PAM: variants seen among roughly 807,000 people sequenced by gnomAD.
PAM encodes the protein peptidyl-glycine alpha-amidating monooxygenase.
PAM carries 72 observed loss-of-function variants against 122.1 expected under a neutral mutation model. That is an observed-to-expected ratio of 0.59 (90% CI 0.49 to 0.72). The LOEUF is 0.72. Among genes scored for constraint, PAM ranks in the 30% least tolerant of loss-of-function variants. The pLI, the probability that PAM is intolerant of heterozygous loss-of-function variation, is 0.00. For synonymous variants in PAM, 389 were observed against 404.4 expected (o/e 0.96, Z 0.46); for missense variants, 1,106 against 1,183.7 (o/e 0.93, Z 0.96).
chr5:102,916,442 C>G (rs554282564), intron 5 of PAM, among the ~76,000 whole-genome samples: 43 of 151,782 alleles, frequency 2.8e-4, no homozygotes, highest in Non-Finnish European at 5.4e-4. Flanking sequence ...AATTTGTAGA[C>G]TTGTTATGAT....
chr5:102,997,803 T>C (rs551608231), intron 16 of PAM, among the ~76,000 whole-genome samples: 1 of 152,320 alleles, frequency 6.6e-6, no homozygotes, highest in East Asian at 1.9e-4. Context: ...ACTTGACACA[T>C]TTTTTTCTAC....
intron 1 of PAM, among the ~76,000 whole-genome samples, chr5:102,805,694 T>C (rs1450188777): frequency 6.6e-6 from 1 of 152,228 alleles, no homozygotes; most frequent in African/African-American, 2.4e-5. Flanking sequence ...AGAAATAGTT[T>C]ATGATCTCTA....
chr5:102,782,725 C>CTG (rs35149404), intron 1 of PAM, among the ~76,000 whole-genome samples: 9,458 of 140,008 alleles, frequency 0.068, 369 homozygotes, highest in South Asian at 0.17. Context: ...CTCTCTCTCT[C>CTG]TGTGTGTGTG....
intron 3 of PAM, among the ~76,000 whole-genome samples, chr5:102,875,361 T>A (rs1454753885): frequency 1.3e-5 from 2 of 151,982 alleles, no homozygotes; most frequent in Non-Finnish European, 2.9e-5. Context: ...CCCGGCTTAA[T>A]TTTTTTATTT....
At chr5:102,829,124 C>T (rs1401940964) in intron 1 of PAM, among the ~76,000 whole-genome samples, 3 of 151,994 alleles carry the variant, frequency 2.0e-5, no homozygotes, top group Non-Finnish European at 4.4e-5. Context: ...TATAAAGATG[C>T]AGCCCTCTCA....
intron 1 of PAM, among the ~76,000 whole-genome samples, chr5:102,799,868 GA>G (rs1337097445): frequency 2.0e-5 from 3 of 152,146 alleles, no homozygotes; most frequent in Non-Finnish European, 4.4e-5. Flanking sequence ...CCTCCCTAAT[GA>G]AAATATCAAT....
In PAM at chr5:102,905,856, T is replaced by C. The variant is rs113741451; in HGVS notation, c.268+4443T>C. On this transcript the variant is annotated intron_variant, in intron 4 of 25. Coordinates refer to ENST00000438793, the MANE Select transcript of PAM (RefSeq NM_001177306.2). The stretch of plus-strand genomic sequence containing the variant: ...TAATGAGTAGTCTCTGTCTCACAGA[T>C]GATGACTGAGTATTTCCCACCAATC... Among the ~76,000 whole-genome samples the C allele has an allele frequency of 2.5e-3, 385 of 151,836 alleles. 3 individuals are homozygous for C. The highest frequency in any genetic ancestry group is 8.6e-3 in the African/African-American group (358 of 41,510).
chr5:102,875,147 T>C (rs1271321620), intron 3 of PAM, among the ~76,000 whole-genome samples: 1 of 151,624 alleles, frequency 6.6e-6, no homozygotes, highest in Non-Finnish European at 1.5e-5. Flanking sequence ...CTCTCTTTTA[T>C]TAAACAAAAT....
chr5:102,969,918 C>T (rs1372366417), intron 14 of PAM, among the ~76,000 whole-genome samples: 2 of 152,086 alleles, frequency 1.3e-5, no homozygotes, highest in Non-Finnish European at 2.9e-5. Flanking sequence ...CAGGGACAGA[C>T]TTCCCAAAAC....
At chr5:102,996,652 G>A (rs1775791433) in intron 16 of PAM, among the ~76,000 whole-genome samples, 1 of 152,142 alleles carries the variant, frequency 6.6e-6, no homozygotes, top group East Asian at 1.9e-4. Flanking sequence ...CCAAGTGAAA[G>A]GATTAGGACT....
At chr5:102,957,382 A>G (rs1761080923) in intron 12 of PAM, among the ~76,000 whole-genome samples, 1 of 152,060 alleles carries the variant, frequency 6.6e-6, no homozygotes, top group African/African-American at 2.4e-5. Context: ...AATAGAACCT[A>G]CTGTATCCAC....
chr5:102,775,311 G>A (rs1302035688), intron 1 of PAM, among the ~76,000 whole-genome samples: 1 of 151,952 alleles, frequency 6.6e-6, no homozygotes, highest in African/African-American at 2.4e-5. Context: ...AAGAATTTTT[G>A]TCTATTTTTA....
intron 1 of PAM, among the ~76,000 whole-genome samples, chr5:102,781,937 TA>T (rs1455469669): frequency 2.0e-5 from 3 of 152,156 alleles, no homozygotes; most frequent in Non-Finnish European, 4.4e-5. Context: ...ATCAGGAACT[TA>T]AAAAAGCTTG....
intron 1 of PAM, among the ~76,000 whole-genome samples, chr5:102,811,323 G>C (rs1477817153): frequency 2.0e-5 from 3 of 152,184 alleles, no homozygotes; most frequent in East Asian, 3.8e-4. Flanking sequence ...CTCTAGGGGA[G>C]AATTCCTTTC....
chr5:102,860,647 C>T (rs1210456177), intron 1 of PAM, among the ~76,000 whole-genome samples: 2 of 151,630 alleles, frequency 1.3e-5, no homozygotes, highest in Non-Finnish European at 2.9e-5. Context: ...GATCATGCCA[C>T]TGTACTCCAG....
Position 102,974,307 on chromosome 5 carries a change from A to G in PAM, c.1354A>G (p.Ile452Val), listed in dbSNP as rs145710876. The G allele has an allele frequency of 2.2e-5, 35 of 1,613,936 alleles. No individual in the cohort carries two copies. In the African/African-American group the frequency reaches 4.4e-4, roughly 20 times the overall value. ...TGCAGAACATGAGAGGGGTAATGCT[A>G]TTCTTGTCAGAGACAGAATTCACAA... is the stretch of plus-strand genomic sequence containing the variant. ...EGAEHERGNA[I>V]LVRDRIHKFH... Residue 452 changes from isoleucine to valine, a missense_variant, in exon 15 of 26, where the codon ATT (isoleucine) becomes GTT (valine). Physicochemically the swap from Ile to Val is conservative, Grantham distance 29. Transcript: ENST00000438793.
intron 1 of PAM, among the ~76,000 whole-genome samples, chr5:102,813,371 T>C (rs1434901332): frequency 1.3e-5 from 2 of 152,222 alleles, no homozygotes; most frequent in Non-Finnish European, 2.9e-5. Flanking sequence ...GTACAGAGTT[T>C]TATTTCCAGG....
chr5:102,898,995 C>A (rs1036964272), intron 3 of PAM, among the ~76,000 whole-genome samples: 2 of 151,468 alleles, frequency 1.3e-5, no homozygotes, highest in East Asian at 3.9e-4. Flanking sequence ...ATGATAGAAA[C>A]TTCTAATTGT....
intron 19 of PAM, among the ~76,000 whole-genome samples, 181 bp downstream of exon 19, chr5:103,007,192 TAC>T (rs56140031): frequency 0.016 from 2,290 of 141,194 alleles, 15 homozygotes; most frequent in South Asian, 0.03. Context: ...CACATATACA[TAC>T]ACACACACAC....
Sources: gnomAD v4.1 joint callset for allele counts (sites outside exome capture counted in the v4.1 genomes callset) on GRCh38, gnomAD v4.1.1 for gene constraint, MANE v1.5 for transcripts, NCBI Gene and HGNC (gene_info 2026-07-23, HGNC 2026-07-21) for gene names.